The following CDYL variants were observed in gnomAD, a reference collection of about 807,000 sequenced individuals.
The protein encoded by CDYL is chromodomain Y-like protein.
A neutral mutation model predicts 47.3 loss-of-function variants in CDYL; 8 were observed. The ratio of observed to expected loss-of-function variants is 0.17; its 90% CI spans 0.10 to 0.31. The LOEUF (loss-of-function observed/expected upper bound fraction) is 0.31. CDYL is among the 10% of genes least tolerant of loss of function. CDYL has a pLI of 1.00. For missense variants in CDYL, 471 were observed against 701.4 expected (o/e 0.67, Z 3.71); for synonymous variants, 266 against 265.0 (o/e 1.00, Z -0.04).
chr6:4,829,379 C>A (rs1415941466), intron 1 of CDYL, among the ~76,000 whole-genome samples: 3 of 152,154 alleles, frequency 2.0e-5, no homozygotes, highest in Non-Finnish European at 4.4e-5. Flanking sequence ...GCAGAGATTT[C>A]TTTGGAAGCC....
chr6:4,742,770 G>C lies in CDYL; in HGVS notation c.186+7926G>C, dbSNP rs541439806. Among the ~76,000 whole-genome samples the C allele has an allele frequency of 3.9e-5, 6 of 152,304 alleles. No individual in the cohort carries two copies. The South Asian group carries it at 1.2e-3, about 32-fold the overall frequency. On this transcript the variant is annotated intron_variant, in intron 3 of 8. Coordinates refer to the CDYL transcript ENST00000328908. ...ATGGCCTCTGGCTTTGCCCTCTCAG[G>C]GGTTTTTCCTTGTCAGTTTTCCTCT...
chr6:4,944,074 T>C (rs555824186), intron 5 of CDYL, among the ~76,000 whole-genome samples: 4 of 152,242 alleles, frequency 2.6e-5, no homozygotes, highest in Non-Finnish European at 4.4e-5. Flanking sequence ...AACTGCACTT[T>C]TAAGAGAAGG....
chr6:4,923,551 G>C, intron 2 of CDYL, among the ~76,000 whole-genome samples: 1 of 152,092 alleles, frequency 6.6e-6, no homozygotes, highest in East Asian at 1.9e-4. Flanking sequence ...ATGCCTCTTT[G>C]ACGTGCTGAT....
chr6:4,910,983 G>C (rs531038816), intron 2 of CDYL, among the ~76,000 whole-genome samples: 1 of 152,226 alleles, frequency 6.6e-6, no homozygotes, highest in Admixed American at 6.5e-5. Context: ...ACAGGCGCCT[G>C]CCACCACGCC....
At chr6:4,743,656 ATCT>A (rs1286544373) in intron 3 of CDYL, among the ~76,000 whole-genome samples, 1 of 152,188 alleles carries the variant, frequency 6.6e-6, no homozygotes, top group African/African-American at 2.4e-5. Flanking sequence ...TCCATGTCTG[ATCT>A]TCTCCACTAA....
intron 1 of CDYL, among the ~76,000 whole-genome samples, chr6:4,837,466 G>GTT (rs367959545): frequency 7.8e-4 from 107 of 136,754 alleles, no homozygotes; most frequent in Non-Finnish European, 1.1e-3. Flanking sequence ...TGTTGTCGTT[G>GTT]TTTTTTTTTT....
chr6:4,747,206 T>G (rs190429161), intron 3 of CDYL, among the ~76,000 whole-genome samples: 2 of 151,604 alleles, frequency 1.3e-5, no homozygotes, highest in African/African-American at 4.8e-5. Flanking sequence ...ACTCATGAGA[T>G]TGAGGCAGGA....
At chr6:4,797,827 G>A (rs886861949) in intron 1 of CDYL, among the ~76,000 whole-genome samples, 3 of 152,216 alleles carry the variant, frequency 2.0e-5, no homozygotes, top group African/African-American at 7.2e-5. Context: ...TTATCCATTC[G>A]TCACTTGGTG....
At chr6:4,810,369 C>A (rs995251412) in intron 1 of CDYL, among the ~76,000 whole-genome samples, 1 of 152,164 alleles carries the variant, frequency 6.6e-6, no homozygotes, top group Non-Finnish European at 1.5e-5. Flanking sequence ...GTTTGATCCT[C>A]ATGGTACCCT....
At chr6:4,857,510 C>T (rs771608269) in intron 1 of CDYL, among the ~76,000 whole-genome samples, 1 of 152,126 alleles carries the variant, frequency 6.6e-6, no homozygotes, top group Admixed American at 6.5e-5. Context: ...GGTAACTCAC[C>T]CTTTAGCAAA....
At chr6:4,836,856 G>A (rs1446907971) in intron 1 of CDYL, among the ~76,000 whole-genome samples, 1 of 152,150 alleles carries the variant, frequency 6.6e-6, no homozygotes, top group Non-Finnish European at 1.5e-5. Flanking sequence ...TGTAGACCTT[G>A]CGCCTGGTTA....
At chr6:4,891,531 A>T (rs2127483916) in intron 1 of CDYL, among the ~76,000 whole-genome samples, 182 bp from the exon 2 acceptor site, 1 of 152,314 alleles carries the variant, frequency 6.6e-6, no homozygotes, top group African/African-American at 2.4e-5. Context: ...ATCTTGTTTG[A>T]CTTACTTTCA....
At chr6:4,726,277 G>C (rs1233350364) in intron 2 of CDYL, among the ~76,000 whole-genome samples, 2 of 151,970 alleles carry the variant, frequency 1.3e-5, no homozygotes, top group South Asian at 2.1e-4. Flanking sequence ...CGGCTCTCGC[G>C]CATAATCCCA....
rs70974139 is a variant in CDYL at position 4,807,591 on chromosome 6, CTTTTTTTTTTTTT to C, written c.24+30801_24+30813del. Among the ~76,000 whole-genome samples the C allele has an allele frequency of 1.0e-3, 43 of 42,942 alleles. No homozygotes were observed. In the East Asian group the frequency reaches 0.015, roughly 15 times the overall value. The allele number at this position is 42,942 out of a possible 152,430, so 28.2% of individuals were successfully genotyped here. On this transcript the variant is annotated intron_variant, in intron 1 of 6. Coordinates refer to ENST00000397588, the MANE Select transcript of CDYL (RefSeq NM_004824.4). ...TTCTCTGTATATCATTCATTCATGT[CTTTTTTTTTTTTT>C]TTTTTTTTTTTTTTTTGGAGATAGG...
At chr6:4,906,666 A>T (rs1191534006) in intron 2 of CDYL, among the ~76,000 whole-genome samples, 1 of 152,234 alleles carries the variant, frequency 6.6e-6, no homozygotes, top group East Asian at 1.9e-4. Context: ...TTTTCAGATA[A>T]ACCTTATCTG....
At chr6:4,832,292 T>C (rs929461355) in intron 1 of CDYL, among the ~76,000 whole-genome samples, 2 of 152,158 alleles carry the variant, frequency 1.3e-5, no homozygotes, top group African/African-American at 4.8e-5. Context: ...TGAAGCATTG[T>C]TGAGTTTTGT....
chr6:4,717,839 ATTTT>A (rs11450522), intron 2 of CDYL, among the ~76,000 whole-genome samples: 10 of 144,286 alleles, frequency 6.9e-5, no homozygotes, highest in Admixed American at 5.5e-4. Context: ...ACCCTGTTAG[ATTTT>A]TTTTTTTCTT....
intron 1 of CDYL, among the ~76,000 whole-genome samples, chr6:4,797,913 AT>A (rs1440312526): frequency 6.6e-6 from 1 of 151,808 alleles, no homozygotes; most frequent in Non-Finnish European, 1.5e-5. Context: ...ATGAACATGT[AT>A]TTTCTGTGTT....
intron 1 of CDYL, among the ~76,000 whole-genome samples, chr6:4,821,082 C>T (rs922284564): frequency 1.3e-5 from 2 of 151,974 alleles, no homozygotes; most frequent in South Asian, 4.2e-4. Context: ...TCTCATTTTA[C>T]CTTTATCATT....
Sources: allele counts gnomAD v4.1 joint callset (sites outside exome capture counted in the v4.1 genomes callset), GRCh38; gene constraint gnomAD v4.1.1; transcripts MANE v1.5; gene names NCBI Gene and HGNC (gene_info 2026-07-23, HGNC 2026-07-21).